The following LUZP2 variants were observed in gnomAD, a reference collection of about 807,000 sequenced individuals.
The protein encoded by LUZP2 is leucine zipper protein 2.
A neutral mutation model predicts 51.6 loss-of-function variants in LUZP2; 52 were observed. The ratio of observed to expected loss-of-function variants is 1.01; its 90% confidence interval spans 0.81 to 1.27. LUZP2 has a LOEUF of 1.27. Among genes scored for constraint, LUZP2 ranks in the 50% most tolerant of loss-of-function variants. The probability of loss-of-function intolerance (pLI) is 0.00; values close to 1 mark genes in which losing one functional copy is unlikely to be tolerated. For missense variants in LUZP2, 436 were observed against 395.4 expected, an observed-to-expected ratio of 1.10 and a Z score of -0.87; for synonymous variants, 154 against 137.3, an observed-to-expected ratio of 1.12 and a Z score of -0.85.
intron 5 of LUZP2, among the ~76,000 whole-genome samples, chr11:24,833,708 G>A (rs796429431): frequency 2.8e-4 from 36 of 130,624 alleles, no homozygotes; most frequent in Middle Eastern, 4.3e-3. Context: ...GCCACCGCGC[G>A]CGCGCACACA....
chr11:24,810,741 G>A (rs911868397), intron 5 of LUZP2, among the ~76,000 whole-genome samples: 5 of 152,086 alleles, frequency 3.3e-5, no homozygotes, highest in Non-Finnish European at 5.9e-5. Flanking sequence ...GATAATCTGG[G>A]AATTCCTCAA....
At chr11:24,718,300 G>A (rs1159313798) in intron 1 of LUZP2, among the ~76,000 whole-genome samples, 1 of 152,228 alleles carries the variant, frequency 6.6e-6, no homozygotes, top group Non-Finnish European at 1.5e-5. Flanking sequence ...AGGTGAGACA[G>A]AGTTCACAGG....
At chr11:24,759,611 G>C (rs546462030) in intron 4 of LUZP2, among the ~76,000 whole-genome samples, 1 of 152,092 alleles carries the variant, frequency 6.6e-6, no homozygotes, top group East Asian at 1.9e-4. Flanking sequence ...GGGAAATAAT[G>C]GTATCAGTGA....
intron 9 of LUZP2, among the ~76,000 whole-genome samples, chr11:25,025,900 C>T (rs1857476344): frequency 6.6e-6 from 1 of 152,126 alleles, no homozygotes. Context: ...ACCCAAATGT[C>T]CATCAGTGAT....
intron 5 of LUZP2, among the ~76,000 whole-genome samples, chr11:24,838,341 A>T (rs1254421156): frequency 6.6e-6 from 1 of 151,616 alleles, no homozygotes; most frequent in Non-Finnish European, 1.5e-5. Flanking sequence ...CTTGTGAAGG[A>T]GATGTGTCTC....
At chr11:24,706,772 G>T (rs1305349481) in intron 1 of LUZP2, among the ~76,000 whole-genome samples, 1 of 151,956 alleles carries the variant, frequency 6.6e-6, no homozygotes, top group Non-Finnish European at 1.5e-5. Flanking sequence ...TTAATATCTG[G>T]TTTTTCACCA....
Position 24,742,059 on chromosome 11 carries a change from A to T in LUZP2, c.333+3757A>T, listed in dbSNP as rs865878128. Among the ~76,000 whole-genome samples, 156 of 69,880 alleles carry T rather than the reference A, an allele frequency of 2.2e-3. 3 individuals carry two copies. The highest frequency in any genetic ancestry group is 6.3e-3 in the Middle Eastern group (1 of 158). 45.8% of individuals were successfully genotyped at this position (69,880 alleles called of 152,430 possible). ...TAAATACATAAAAATAAATATAATT[A>T]TATATATATATATATATCACCATTT... On this transcript the variant is annotated intron_variant, in intron 4 of 11. Coordinates refer to ENST00000336930, the MANE Select transcript of LUZP2 (RefSeq NM_001009909.4).
At chr11:24,571,680 A>G (rs999152919) in intron 1 of LUZP2, among the ~76,000 whole-genome samples, 4 of 152,084 alleles carry the variant, frequency 2.6e-5, no homozygotes, top group Admixed American at 2.6e-4. Context: ...TCGCTTAAGA[A>G]TATCTAAAAT....
At chr11:24,973,381 CA>C (rs1337987612) in intron 7 of LUZP2, among the ~76,000 whole-genome samples, 2 of 47,706 alleles carry the variant, frequency 4.2e-5, no homozygotes, top group Non-Finnish European at 9.5e-5. Flanking sequence ...TTTTTTTTTT[CA>C]AAAAAACAGC....
At chr11:24,589,084 C>T (rs943285148) in intron 1 of LUZP2, among the ~76,000 whole-genome samples, 5 of 152,004 alleles carry the variant, frequency 3.3e-5, no homozygotes, top group Non-Finnish European at 5.9e-5. Context: ...GAATTTATAC[C>T]CCCAGCAATC....
chr11:24,625,032 C>A (rs10767223), intron 1 of LUZP2, among the ~76,000 whole-genome samples: 67,283 of 151,750 alleles, frequency 0.44, 15,077 homozygotes, highest in African/African-American at 0.51. Flanking sequence ...TTCCCAAATG[C>A]CATTGACATG....
At chr11:24,976,955 T>A (rs1855898214) in intron 8 of LUZP2, among the ~76,000 whole-genome samples, 1 of 151,776 alleles carries the variant, frequency 6.6e-6, no homozygotes, top group South Asian at 2.1e-4. Context: ...TGAATAAACA[T>A]GCTTTAAAGC....
At chr11:24,614,780 A>T (rs1185553514) in intron 1 of LUZP2, among the ~76,000 whole-genome samples, 5 of 151,946 alleles carry the variant, frequency 3.3e-5, no homozygotes, top group African/African-American at 9.7e-5. Context: ...CCTGTCCATT[A>T]CTATCTTTTG....
intron 7 of LUZP2, among the ~76,000 whole-genome samples, chr11:24,917,281 G>C (rs1462353742): frequency 1.3e-5 from 2 of 152,112 alleles, no homozygotes; most frequent in African/African-American, 2.4e-5. Context: ...CATTCTGTAG[G>C]TTGCCTGTTC....
At chr11:24,615,701 T>C (rs1201416156) in intron 1 of LUZP2, among the ~76,000 whole-genome samples, 1 of 152,006 alleles carries the variant, frequency 6.6e-6, no homozygotes, top group East Asian at 1.9e-4. Flanking sequence ...TAGTAGCATG[T>C]TTAGTTTCAG....
chr11:24,792,312 A>C (rs1849430885), intron 5 of LUZP2, among the ~76,000 whole-genome samples: 1 of 151,942 alleles, frequency 6.6e-6, no homozygotes, highest in Non-Finnish European at 1.5e-5. Context: ...CTGTAGTCCC[A>C]GCTACTTGGG....
chr11:24,963,600 T>C (rs376370825), intron 7 of LUZP2, among the ~76,000 whole-genome samples: 2 of 66,306 alleles, frequency 3.0e-5, no homozygotes, highest in Non-Finnish European at 4.9e-5. Context: ...TGGTGCGCCG[T>C]TTTTTAAGCC....
At chr11:25,061,472 A>C (rs1403612070) in intron 10 of LUZP2, among the ~76,000 whole-genome samples, 1 of 152,184 alleles carries the variant, frequency 6.6e-6, no homozygotes, top group Non-Finnish European at 1.5e-5. Context: ...TATAATTTAC[A>C]GACCCAGCTG....
intron 1 of LUZP2, among the ~76,000 whole-genome samples, chr11:24,608,514 A>G (rs932920681): frequency 6.6e-6 from 1 of 152,236 alleles, no homozygotes; most frequent in Non-Finnish European, 1.5e-5. Flanking sequence ...CTTTAAATGT[A>G]GACAATCCTG....
Sources: allele counts gnomAD v4.1 joint callset (sites outside exome capture counted in the v4.1 genomes callset), GRCh38; gene constraint gnomAD v4.1.1; transcripts MANE v1.5; gene names NCBI Gene and HGNC (gene_info 2026-07-23, HGNC 2026-07-21).